MARCHF1: variants seen among roughly 807,000 people sequenced by gnomAD.
MARCHF1 encodes the protein membrane associated ring-CH-type finger 1, also known as E3 ubiquitin-protein ligase MARCHF1.
MARCHF1 carries 40 observed loss-of-function variants against 54.2 expected under a neutral mutation model. That is an observed-to-expected ratio of 0.74 (90% confidence interval 0.57 to 0.96). MARCHF1 has a LOEUF of 0.96. Among genes scored for constraint, MARCHF1 ranks in the 40% least tolerant of loss-of-function variants. MARCHF1 has a pLI of 0.00. For synonymous variants in MARCHF1, 236 were observed against 236.3 expected, an observed-to-expected ratio of 1.00 and a Z score of 0.01; for missense variants, 586 against 656.5, an observed-to-expected ratio of 0.89 and a Z score of 1.17.
intron 2 of MARCHF1, among the ~76,000 whole-genome samples, chr4:164,052,602 T>G (rs1754398305): frequency 6.6e-6 from 1 of 152,102 alleles, no homozygotes; most frequent in African/African-American, 2.4e-5. Flanking sequence ...AACTAAGGAT[T>G]TTCTAAGCTC....
At chr4:164,366,247 A>C (rs1730876945) in intron 1 of MARCHF1, among the ~76,000 whole-genome samples, 1 of 152,020 alleles carries the variant, frequency 6.6e-6, no homozygotes, top group African/African-American at 2.4e-5. Context: ...CCATTCCAAT[A>C]AACAGTCCAA....
rs575755790 is a variant in MARCHF1, at chr4:164,197,994, A to T, written c.-322-86332T>A. ...TTGATAATTTGTGAATACACAAGGCACTCCCCTCTACACTACTTACTGTGA... is the reference window on the plus strand; with the variant it reads ...TTGATAATTTGTGAATACACAAGGCTCTCCCCTCTACACTACTTACTGTGA... On this transcript the variant is annotated intron_variant, in intron 1 of 9. Coordinates refer to ENST00000514618, the MANE Select transcript of MARCHF1 (RefSeq NM_001394959.1). Among the ~76,000 whole-genome samples the T allele has an allele frequency of 3.3e-5, 5 of 151,948 alleles. No homozygotes were observed. The East Asian group carries it at 9.7e-4, about 30-fold the overall frequency.
chr4:164,071,513 A>T (rs1754866965), intron 2 of MARCHF1, among the ~76,000 whole-genome samples: 2 of 152,150 alleles, frequency 1.3e-5, no homozygotes, highest in Non-Finnish European at 1.5e-5. Flanking sequence ...AAATACAGCT[A>T]TATTAATCTT....
intron 2 of MARCHF1, among the ~76,000 whole-genome samples, chr4:164,025,205 A>G (rs967403984): frequency 6.6e-6 from 1 of 152,140 alleles, no homozygotes; most frequent in East Asian, 1.9e-4. Context: ...ACTAACAAAA[A>G]AATTCTGGAC....
At chr4:164,107,197 GC>G (rs1216714817) in intron 2 of MARCHF1, among the ~76,000 whole-genome samples, 2 of 151,988 alleles carry the variant, frequency 1.3e-5, no homozygotes, top group Non-Finnish European at 2.9e-5. Flanking sequence ...CCTAGTTAGT[GC>G]CATTTGTCAT....
intron 9 of MARCHF1, among the ~76,000 whole-genome samples, chr4:163,531,606 CAA>C (rs144842447): frequency 1.2e-3 from 185 of 151,832 alleles, no homozygotes; most frequent in African/African-American, 4.4e-3. Context: ...TGCAATAAAA[CAA>C]GAATAATAAA....
At chr4:164,346,974 T>G (rs1730124375) in intron 1 of MARCHF1, among the ~76,000 whole-genome samples, 1 of 152,100 alleles carries the variant, frequency 6.6e-6, no homozygotes, top group Non-Finnish European at 1.5e-5. Context: ...AAGACTCATA[T>G]TTCCAGACTA....
chr4:164,171,194 CTTTAT>C (rs1476347572), intron 1 of MARCHF1, among the ~76,000 whole-genome samples: 6 of 103,138 alleles, frequency 5.8e-5, no homozygotes, highest in African/African-American at 1.4e-4. Flanking sequence ...TTATGAACAT[CTTTAT>C]TTTATTATTT....
intron 2 of MARCHF1, among the ~76,000 whole-genome samples, chr4:164,019,866 G>T (rs1361200414): frequency 3.3e-5 from 5 of 152,168 alleles, no homozygotes; most frequent in African/African-American, 1.2e-4. Context: ...AGGGTGTAGA[G>T]TTGCAGTGTT....
intron 5 of MARCHF1, among the ~76,000 whole-genome samples, chr4:163,665,073 C>T (rs1011573414): frequency 6.6e-6 from 1 of 151,852 alleles, no homozygotes; most frequent in African/African-American, 2.4e-5. Context: ...GTTGTAATTC[C>T]GCTGGGTCTA....
At chr4:163,540,965 T>C (rs1401759499) in intron 9 of MARCHF1, among the ~76,000 whole-genome samples, 1 of 152,024 alleles carries the variant, frequency 6.6e-6, no homozygotes, top group East Asian at 1.9e-4. Flanking sequence ...GGGAGGATGT[T>C]GCAGTGAGCC....
intron 1 of MARCHF1, among the ~76,000 whole-genome samples, chr4:164,138,107 G>C (rs1756440022): frequency 6.6e-6 from 1 of 152,126 alleles, no homozygotes; most frequent in Non-Finnish European, 1.5e-5. Flanking sequence ...GCTGTTGGGA[G>C]GAGTGAGAGT....
At chr4:163,775,106 C>G (rs1747267856) in intron 4 of MARCHF1, among the ~76,000 whole-genome samples, 1 of 152,166 alleles carries the variant, frequency 6.6e-6, no homozygotes, top group South Asian at 2.1e-4. Context: ...ACTGAACTTT[C>G]TCCTGACTCA....
At chr4:164,291,525 T>C (rs531752491) in intron 1 of MARCHF1, among the ~76,000 whole-genome samples, 5 of 152,150 alleles carry the variant, frequency 3.3e-5, no homozygotes, top group Non-Finnish European at 7.4e-5. Context: ...GAGGATATGT[T>C]CTGAGAAATG....
chr4:163,998,262 G>C (rs28756871), intron 2 of MARCHF1, among the ~76,000 whole-genome samples: 1 of 151,070 alleles, frequency 6.6e-6, no homozygotes, highest in Non-Finnish European at 1.5e-5. Flanking sequence ...TCATACATTA[G>C]AGCATTGTAA....
chr4:163,971,224 T>C (rs1374251387), intron 3 of MARCHF1, among the ~76,000 whole-genome samples: 2 of 152,148 alleles, frequency 1.3e-5, no homozygotes, highest in Non-Finnish European at 1.5e-5. Context: ...AGTAGTGGGA[T>C]AGAGTGTAAG....
chr4:164,272,019 T>C (rs1733756647), intron 1 of MARCHF1, among the ~76,000 whole-genome samples: 1 of 151,786 alleles, frequency 6.6e-6, no homozygotes, highest in African/African-American at 2.4e-5. Context: ...CTCATAATTA[T>C]ATGAAAAGAA....
chr4:163,542,072 GT>G (rs1343046043), intron 9 of MARCHF1, among the ~76,000 whole-genome samples: 1 of 152,182 alleles, frequency 6.6e-6, no homozygotes, highest in Non-Finnish European at 1.5e-5. Flanking sequence ...CTTGCTTTCT[GT>G]TTTGCTTTGG....
chr4:164,338,679 G>A (rs968156692), intron 1 of MARCHF1, among the ~76,000 whole-genome samples: 6 of 152,146 alleles, frequency 3.9e-5, no homozygotes, highest in Non-Finnish European at 8.8e-5. Context: ...TAAGGATAAA[G>A]AAGTAAATTC....
Sources: gnomAD v4.1 joint callset for allele counts (sites outside exome capture counted in the v4.1 genomes callset) on GRCh38, gnomAD v4.1.1 for gene constraint, MANE v1.5 for transcripts, NCBI Gene and HGNC (gene_info 2026-07-23, HGNC 2026-07-21) for gene names.